The following SEMA3E variants were observed in gnomAD, a reference collection of about 807,000 sequenced individuals.
SEMA3E encodes the protein semaphorin-3E.
A neutral mutation model predicts 93.6 loss-of-function variants in SEMA3E; 49 were observed. The ratio of observed to expected loss-of-function variants is 0.52; its 90% CI spans 0.42 to 0.66. The LOEUF (loss-of-function observed/expected upper bound fraction) is 0.66, where lower values mean the gene tolerates loss of function less well. Ranked by LOEUF, SEMA3E falls within the 30% of genes least tolerant of loss-of-function variation. SEMA3E has a pLI of 0.00. For missense variants in SEMA3E, 906 were observed against 964.8 expected, an observed-to-expected ratio of 0.94 and a Z score of 0.81; for synonymous variants, 363 against 330.7, an observed-to-expected ratio of 1.10 and a Z score of -1.06.
At chr7:83,490,430 G>C (rs933756440) in intron 1 of SEMA3E, among the ~76,000 whole-genome samples, 156 bp from the exon 2 acceptor site, 1 of 151,968 alleles carries the variant, frequency 6.6e-6, no homozygotes, top group Non-Finnish European at 1.5e-5. Context: ...ATGTGCACAA[G>C]TTAAAATATT....
chr7:83,367,963 T>C lies in SEMA3E; in HGVS notation c.1951A>G (p.Thr651Ala), dbSNP rs1298554539. The change falls in exon 17 of 17, where the codon ACC (threonine) becomes GCC (alanine). Residue 651 changes from threonine to alanine, a missense_variant. By Grantham distance (58) the Thr-to-Ala change is moderately conservative. Transcript: ENST00000643230. The stretch of plus-strand genomic sequence containing the variant: ...TGCTCTACTGTCTGGCAAAAATAGG[T>C]CCCAGCATCTGATTTGTGTAACCTT... ...FLRLHKSDAG[T>A]YFCQTVEHSF... 6.2e-7 allele frequency: 1 copy of C among 1,613,570 alleles called. No individual in the cohort carries two copies. The highest frequency in any genetic ancestry group is 8.5e-7 in the Non-Finnish European group (1 of 1,179,798).
chr7:83,522,121 T>G (rs1242726819), intron 1 of SEMA3E, among the ~76,000 whole-genome samples: 2 of 152,164 alleles, frequency 1.3e-5, no homozygotes, highest in Non-Finnish European at 2.9e-5. Flanking sequence ...TCATGGTTGA[T>G]TCTTCAGAAA....
chr7:83,541,848 G>A (rs1421376112), intron 1 of SEMA3E, among the ~76,000 whole-genome samples: 1 of 147,740 alleles, frequency 6.8e-6, no homozygotes, highest in African/African-American at 2.5e-5. Context: ...TGGAAGGAGT[G>A]TATATCCTCT....
At position 83,648,684 on chromosome 7, in the gene SEMA3E, T is replaced by G; in HGVS notation, c.-142A>C. 1 of 719,052 alleles carries G rather than the reference T, an allele frequency of 1.4e-6. No homozygotes were observed. The highest frequency in any genetic ancestry group is 2.6e-6 in the Non-Finnish European group (1 of 391,986). 44.5% of individuals were successfully genotyped at this position (719,052 alleles called of 1,614,324 possible). On this transcript the variant is annotated 5_prime_UTR_variant, in exon 1 of 17. Coordinates refer to ENST00000643230, the MANE Select transcript of SEMA3E (RefSeq NM_012431.3). ...GTCATCAGAAAGCACAGTTCCGAAG[T>G]GCCATTTGTCAGGCTGTATTTGGCT...
chr7:83,622,023 G>A (rs1793571146), intron 1 of SEMA3E, among the ~76,000 whole-genome samples: 1 of 152,052 alleles, frequency 6.6e-6, no homozygotes, highest in African/African-American at 2.4e-5. Context: ...CTTCTGCACA[G>A]CAAAAGAAGC....
chr7:83,616,793 C>T, intron 1 of SEMA3E: 1 of 427,828 alleles, frequency 2.3e-6, no homozygotes, highest in South Asian at 1.7e-5. Flanking sequence ...GGCGTGATCT[C>T]CTCTCACTAC....
intron 4 of SEMA3E, among the ~76,000 whole-genome samples, chr7:83,457,349 A>C (rs2115842535): frequency 6.6e-6 from 1 of 152,336 alleles, no homozygotes; most frequent in Non-Finnish European, 1.5e-5. Context: ...AATAACCATA[A>C]GTGAAAATGA....
At position 83,648,824 on chromosome 7, in the gene SEMA3E, C is replaced by T; in HGVS notation, c.-282G>A. 2.5e-6 allele frequency: 1 copy of T among 401,802 alleles called. No individual in the cohort carries two copies. The highest frequency in any genetic ancestry group is 4.5e-6 in the Non-Finnish European group (1 of 220,066). The allele number at this position is 401,802 out of a possible 1,614,324, so 24.9% of individuals were successfully genotyped here. ...TCTAGAGCGCTCTTCAGCAACTACG[C>T]CGGTAGATTCAGGAAGAAGCTGTAT... is the stretch of plus-strand genomic sequence containing the variant. On this transcript the variant is annotated 5_prime_UTR_variant, in exon 1 of 17. Transcript: ENST00000643230.
At chr7:83,383,467 G>A (rs919367414) in intron 16 of SEMA3E, among the ~76,000 whole-genome samples, 2 of 151,814 alleles carry the variant, frequency 1.3e-5, no homozygotes, top group Non-Finnish European at 2.9e-5. Flanking sequence ...AATAAAGTCA[G>A]AATTTTGTGT....
intron 1 of SEMA3E, among the ~76,000 whole-genome samples, chr7:83,594,416 G>T (rs138494273): frequency 5.5e-4 from 83 of 152,216 alleles, no homozygotes; most frequent in Middle Eastern, 3.4e-3. Flanking sequence ...CCATTTCCAA[G>T]AATGCTGAAG....
Position 83,621,083 on chromosome 7 carries a change from T to C in SEMA3E, c.115+27345A>G, listed in dbSNP as rs186205190. Among the ~76,000 whole-genome samples, 195 of 152,252 alleles carry C rather than the reference T, an allele frequency of 1.3e-3. 1 individual carries two copies. Among genetic ancestry groups the C allele is most frequent in the Admixed American group, 5.8e-3 (88 of 15,282 alleles). Reference sequence around the variant, plus strand: ...TTTTTTTGCAGATGACATGATTCTATATCTAGACAATCCTACCATCTCAGC... The same window carrying C: ...TTTTTTTGCAGATGACATGATTCTACATCTAGACAATCCTACCATCTCAGC... On this transcript the variant is annotated intron_variant, in intron 1 of 16. Transcript: ENST00000643230.
chr7:83,530,650 G>A (rs543160400), intron 1 of SEMA3E, among the ~76,000 whole-genome samples: 1 of 152,286 alleles, frequency 6.6e-6, no homozygotes. Context: ...GCTGAGGCGG[G>A]TGGATCCCCT....
intron 1 of SEMA3E, among the ~76,000 whole-genome samples, chr7:83,504,481 T>C (rs1310602410): frequency 6.6e-6 from 1 of 152,192 alleles, no homozygotes; most frequent in Non-Finnish European, 1.5e-5. Context: ...GTGGCTACAA[T>C]GTGAGCTGGA....
At chr7:83,632,763 C>A (rs1793811758) in intron 1 of SEMA3E, among the ~76,000 whole-genome samples, 1 of 152,108 alleles carries the variant, frequency 6.6e-6, no homozygotes, top group Non-Finnish European at 1.5e-5. Flanking sequence ...AGAAAAAAAA[C>A]TAAGACTAAA....
At chr7:83,586,238 C>A (rs1792624099) in intron 1 of SEMA3E, among the ~76,000 whole-genome samples, 1 of 152,126 alleles carries the variant, frequency 6.6e-6, no homozygotes, top group Non-Finnish European at 1.5e-5. Flanking sequence ...TTACAGAAAG[C>A]AAACGTATCA....
At chr7:83,387,493 A>G (rs745586022) in intron 14 of SEMA3E, among the ~76,000 whole-genome samples, 4 of 152,098 alleles carry the variant, frequency 2.6e-5, no homozygotes, top group Non-Finnish European at 5.9e-5. Flanking sequence ...AAAAGGTGTT[A>G]AAATCCAAAT....
intron 1 of SEMA3E, among the ~76,000 whole-genome samples, chr7:83,614,170 C>T (rs1793319876): frequency 6.6e-6 from 1 of 152,010 alleles, no homozygotes; most frequent in Non-Finnish European, 1.5e-5. Flanking sequence ...CTTTTTAATA[C>T]CTAAGATGGG....
At chr7:83,481,564 G>C (rs534437900) in intron 2 of SEMA3E, among the ~76,000 whole-genome samples, 1 of 152,176 alleles carries the variant, frequency 6.6e-6, no homozygotes, top group East Asian at 1.9e-4. Context: ...AACGCAAATG[G>C]AGTTACTAAA....
At chr7:83,557,086 C>T (rs1240215369) in intron 1 of SEMA3E, among the ~76,000 whole-genome samples, 3 of 152,040 alleles carry the variant, frequency 2.0e-5, no homozygotes, top group Non-Finnish European at 2.9e-5. Context: ...CCAATTAAGA[C>T]ATTTACAGAG....
Sources: gnomAD v4.1 joint callset for allele counts (sites outside exome capture counted in the v4.1 genomes callset) on GRCh38, gnomAD v4.1.1 for gene constraint, MANE v1.5 for transcripts, NCBI Gene and HGNC (gene_info 2026-07-23, HGNC 2026-07-21) for gene names.